EPHA6: variants seen among roughly 807,000 people sequenced by gnomAD.
EPHA6 encodes the protein EPH receptor A6, also known as ephrin type-A receptor 6.
Under a neutral mutation model 112.0 loss-of-function variants are expected in EPHA6, and 50 were observed. The ratio of observed to expected loss-of-function variants is 0.45; its 90% CI spans 0.36 to 0.56. EPHA6 has a LOEUF of 0.56. Ranked by LOEUF, EPHA6 falls within the 20% of genes least tolerant of loss-of-function variation. The pLI is 0.00. For missense variants in EPHA6, 1,280 were observed against 1,417.4 expected (o/e 0.90, Z 1.56); for synonymous variants, 529 against 490.7 (o/e 1.08, Z -1.03).
chr3:97,732,582 T>C (rs1166006369), intron 15 of EPHA6, among the ~76,000 whole-genome samples: 1 of 152,066 alleles, frequency 6.6e-6, no homozygotes. Flanking sequence ...TTTTAAGCAA[T>C]TTTGTGAATT....
intron 6 of EPHA6, among the ~76,000 whole-genome samples, chr3:97,425,534 A>AGGGGCCC (rs899409587): frequency 6.6e-6 from 1 of 152,178 alleles, no homozygotes; most frequent in Non-Finnish European, 1.5e-5. Context: ...TGCACAGCAG[A>AGGGGCCC]GGGGCCCTGG....
At chr3:97,483,382 C>T (rs964492629) in intron 9 of EPHA6, among the ~76,000 whole-genome samples, 3 of 152,196 alleles carry the variant, frequency 2.0e-5, no homozygotes, top group African/African-American at 7.2e-5. Context: ...TCCATGGAAG[C>T]CACTACATGA....
At chr3:97,711,454 T>C (rs1263253235) in intron 14 of EPHA6, among the ~76,000 whole-genome samples, 1 of 152,008 alleles carries the variant, frequency 6.6e-6, no homozygotes, top group African/African-American at 2.4e-5. Context: ...CCCGTGATTA[T>C]GGAGGCTGAA....
chr3:96,852,602 C>CAAAAA (rs562944142), intron 1 of EPHA6, among the ~76,000 whole-genome samples: 1 of 106,142 alleles, frequency 9.4e-6, no homozygotes, highest in African/African-American at 3.3e-5. Flanking sequence ...GTATCTTATC[C>CAAAAA]AAAAAAAAAA....
rs546192586 is a variant in EPHA6 at position 97,568,825 on chromosome 3, A to G, written c.2387-23787A>G. On this transcript the variant is annotated intron_variant, in intron 11 of 17. Coordinates refer to ENST00000389672, the MANE Select transcript of EPHA6 (RefSeq NM_001080448.3). Reference sequence around the variant, plus strand: ...CCACAGGGGTCTTGCAGTGGGGGAGAGAAATTTGACTTAACTCCAACAAGG... The same window carrying G: ...CCACAGGGGTCTTGCAGTGGGGGAGGGAAATTTGACTTAACTCCAACAAGG... Among the ~76,000 whole-genome samples the G allele has an allele frequency of 6.0e-4, 92 of 152,274 alleles. 1 individual carries two copies. Among genetic ancestry groups the G allele is most frequent in the Admixed American group, 6.0e-3 (92 of 15,298 alleles).
rs371576873 is a variant in EPHA6, at chr3:96,888,531, C to T, written c.450+21642C>T. ...CTGTGCACTGGCAGGCTCAACACCA[C>T]GTGGAAGCTGCCAAGGCTCGGTGCT... On this transcript the variant is annotated intron_variant, in intron 2 of 17. Transcript: ENST00000389672. Among the ~76,000 whole-genome samples the T allele has an allele frequency of 8.5e-5, 13 of 152,282 alleles. No individual in the cohort carries two copies. In the South Asian group the frequency reaches 2.5e-3, roughly 29 times the overall value.
chr3:96,848,401 C>T (rs1463210198), intron 1 of EPHA6, among the ~76,000 whole-genome samples: 1 of 151,764 alleles, frequency 6.6e-6, no homozygotes, highest in Non-Finnish European at 1.5e-5. Flanking sequence ...CTGAGGCGGG[C>T]GGATCACTTG....
chr3:97,623,512 C>T (rs1330739372), intron 13 of EPHA6, among the ~76,000 whole-genome samples: 1 of 151,492 alleles, frequency 6.6e-6, no homozygotes, highest in African/African-American at 2.4e-5. Context: ...CTGAGAAGTC[C>T]AAGCCCAAGG....
At chr3:97,472,901 A>C (rs902789234) in intron 7 of EPHA6, among the ~76,000 whole-genome samples, 3 of 151,798 alleles carry the variant, frequency 2.0e-5, no homozygotes, top group African/African-American at 7.2e-5. Context: ...GGAGATCGGC[A>C]AAAAGAAGTT....
intron 14 of EPHA6, among the ~76,000 whole-genome samples, chr3:97,696,652 C>T (rs1352440979): frequency 6.6e-6 from 1 of 152,062 alleles, no homozygotes; most frequent in African/African-American, 2.4e-5. Context: ...ATGTATTCTT[C>T]TAGCAAAAAC....
chr3:96,835,727 C>T (rs895604906), intron 1 of EPHA6, among the ~76,000 whole-genome samples: 4 of 152,020 alleles, frequency 2.6e-5, no homozygotes. Flanking sequence ...TTGAGTCCCA[C>T]CCAGATTTAT....
Position 96,829,936 on chromosome 3 carries a change from T to TATGCGC in EPHA6, c.385+14928_385+14929insATGCGC, listed in dbSNP as rs1491163854. Among the ~76,000 whole-genome samples, 862 of 103,216 alleles carry TATGCGC rather than the reference T, an allele frequency of 8.4e-3. 12 individuals are homozygous for TATGCGC. The highest frequency in any genetic ancestry group is 0.037 in the African/African-American group (799 of 21,614). 67.7% of individuals were successfully genotyped at this position (103,216 alleles called of 152,430 possible). A position where few individuals can be genotyped will look rare whatever the true frequency, so the allele number is the denominator to read the frequency against. ...CTGTCTGTATACACATGCACGTGCA[T>TATGCGC]GTGCGCGCGCGCGCACACACACACA... On this transcript the variant is annotated intron_variant, in intron 1 of 17. Coordinates refer to ENST00000389672, the MANE Select transcript of EPHA6 (RefSeq NM_001080448.3).
intron 5 of EPHA6, among the ~76,000 whole-genome samples, chr3:97,368,702 A>G (rs2084882083): frequency 6.6e-6 from 1 of 152,180 alleles, no homozygotes; most frequent in South Asian, 2.1e-4. Context: ...ACCCTCTTTA[A>G]GAATCTCTAG....
intron 11 of EPHA6, among the ~76,000 whole-genome samples, chr3:97,571,706 C>T (rs1176986117): frequency 6.6e-6 from 1 of 152,168 alleles, no homozygotes; most frequent in Admixed American, 6.5e-5. Context: ...AGCAGACACA[C>T]GTTAGACCTG....
chr3:97,613,506 C>A (rs1235293315), intron 13 of EPHA6, among the ~76,000 whole-genome samples: 1 of 152,122 alleles, frequency 6.6e-6, no homozygotes, highest in African/African-American at 2.4e-5. Context: ...AAGATTACAT[C>A]TAGTGTCAGT....
At chr3:97,406,900 T>C (rs184823737) in intron 6 of EPHA6, among the ~76,000 whole-genome samples, 1 of 152,158 alleles carries the variant, frequency 6.6e-6, no homozygotes, top group African/African-American at 2.4e-5. Flanking sequence ...ATATGTTTTC[T>C]GTTGACTGGT....
chr3:97,282,298 C>T (rs1639279912), intron 5 of EPHA6, among the ~76,000 whole-genome samples: 2 of 152,132 alleles, frequency 1.3e-5, no homozygotes, highest in South Asian at 4.1e-4. Context: ...GATACCATCT[C>T]GTGCCACTTA....
At chr3:97,330,901 A>AG (rs1466450715) in intron 5 of EPHA6, among the ~76,000 whole-genome samples, 2 of 152,170 alleles carry the variant, frequency 1.3e-5, no homozygotes, top group Non-Finnish European at 2.9e-5. Context: ...TGGACCTAAT[A>AG]GACTTCTACA....
At chr3:97,010,713 T>C (rs951910414) in intron 3 of EPHA6, among the ~76,000 whole-genome samples, 1 of 152,094 alleles carries the variant, frequency 6.6e-6, no homozygotes, top group African/African-American at 2.4e-5. Flanking sequence ...CAGGCTGGAG[T>C]GCGGTAGCGA....
Sources: gnomAD v4.1 joint callset for allele counts (sites outside exome capture counted in the v4.1 genomes callset) on GRCh38, gnomAD v4.1.1 for gene constraint, MANE v1.5 for transcripts, NCBI Gene and HGNC (gene_info 2026-07-23, HGNC 2026-07-21) for gene names.